Variants in CNOT4 observed in about 807,000 individuals in gnomAD.
CNOT4 encodes the protein CCR4-associated factor 4.
In CNOT4, 8 loss-of-function variants were observed where a neutral mutation model predicts 73.8. That is an observed-to-expected ratio of 0.11 (90% confidence interval 0.06 to 0.20). The LOEUF (loss-of-function observed/expected upper bound fraction) is 0.20. CNOT4 is among the 10% of genes least tolerant of loss of function. The probability of loss-of-function intolerance (pLI) is 1.00; values close to 1 mark genes in which losing one functional copy is unlikely to be tolerated. For missense variants in CNOT4, 564 were observed against 883.4 expected, an observed-to-expected ratio of 0.64 and a Z score of 4.58; for synonymous variants, 293 against 321.1, an observed-to-expected ratio of 0.91 and a Z score of 0.94.
chr7:135,473,282 CTTAAG>C (rs947223010), intron 1 of CNOT4, among the ~76,000 whole-genome samples: 2 of 151,930 alleles, frequency 1.3e-5, no homozygotes, highest in Non-Finnish European at 2.9e-5. Flanking sequence ...CCAAGCATCT[CTTAAG>C]TTATTTACAA....
At position 135,363,615 on chromosome 7, in the gene CNOT4, T is replaced by C. The variant is rs1432792572; in HGVS notation, c.1840+239A>G. Among the ~76,000 whole-genome samples the C allele has an allele frequency of 6.6e-6, 1 of 152,220 alleles. No homozygotes were observed. Among genetic ancestry groups the C allele is most frequent in the South Asian group, 2.1e-4 (1 of 4,834 alleles). On this transcript the variant is annotated intron_variant, in intron 11 of 11. Transcript: ENST00000541284. This position sits in a 1 kb window ranked among gnomAD's most constrained non-coding sequence, Gnocchi z 4.3. The stretch of plus-strand genomic sequence containing the variant: ...CCTACAAAATACACATGTTGCCAGA[T>C]GTTAACACCTACTTAAACCAGAAGA...
chr7:135,487,440 A>G (rs1020831916), intron 1 of CNOT4, among the ~76,000 whole-genome samples: 1 of 151,734 alleles, frequency 6.6e-6, no homozygotes, highest in Non-Finnish European at 1.5e-5. Flanking sequence ...CAGTATCCGT[A>G]TGTTTCCCAG....
chr7:135,368,833 G>C (rs746098339), intron 10 of CNOT4, among the ~76,000 whole-genome samples: 6 of 152,184 alleles, frequency 3.9e-5, no homozygotes, highest in Non-Finnish European at 8.8e-5. Flanking sequence ...TCTGACATCA[G>C]ACCTTTCACA....
rs763566825 is a variant in CNOT4, at chr7:135,394,250, G to A, written c.1295C>T (p.Ser432Leu). The A allele has an allele frequency of 8.1e-6, 13 of 1,614,026 alleles. No individual in the cohort carries two copies. Among genetic ancestry groups the A allele is most frequent in the South Asian group, 4.4e-5 (4 of 91,082 alleles). ...AGAGGAGTTCTGAAGAGATGTGGGC[G>A]AAAGGGAAGGTTGGTCTTGAACGGA... ...ELSVQDQPSLSPTSLQNSSSH... is the reference protein window; with the variant it reads ...ELSVQDQPSLLPTSLQNSSSH... The change falls in exon 10 of 12, where the codon TCG (serine) becomes TTG (leucine). Residue 432 changes from serine (S) to leucine (L), a missense_variant. Ser to Leu is a moderately radical substitution (Grantham distance 145, BLOSUM62 -2). Around this residue, in one of 10 missense-constraint regions of CNOT4, gnomAD observed 153 missense variants for 158.7 expected, o/e 0.96. Coordinates refer to ENST00000541284, the MANE Select transcript of CNOT4 (RefSeq NM_001190850.2).
intron 1 of CNOT4, among the ~76,000 whole-genome samples, chr7:135,453,173 T>C (rs142666006): frequency 6.6e-6 from 1 of 152,170 alleles, no homozygotes; most frequent in East Asian, 1.9e-4. Flanking sequence ...TTAGAGATAC[T>C]TCTGTACATC....
At chr7:135,448,374 C>G (rs1202730862) in intron 1 of CNOT4, among the ~76,000 whole-genome samples, 1 of 152,006 alleles carries the variant, frequency 6.6e-6, no homozygotes, top group East Asian at 1.9e-4. Flanking sequence ...GAAACTCCAT[C>G]TCCACTAAAA....
intron 10 of CNOT4, among the ~76,000 whole-genome samples, chr7:135,369,070 C>T (rs1033239008): frequency 6.6e-5 from 10 of 152,106 alleles, no homozygotes; most frequent in Admixed American, 2.6e-4. Flanking sequence ...AAGTTGAGGG[C>T]GCAGGGTACC....
At chr7:135,444,746 C>T in intron 1 of CNOT4, 9 of 1,439,430 alleles carry the variant, frequency 6.3e-6, no homozygotes, top group Non-Finnish European at 7.8e-6. Flanking sequence ...TGGCTGCGAC[C>T]CTCACTCTTC....
Position 135,500,350 on chromosome 7 carries a change from C to G in CNOT4, c.-93+9539G>C, listed in dbSNP as rs575075489. 2.8e-3 allele frequency among the ~76,000 whole-genome samples: 430 copies of G among 152,068 alleles called. 4 individuals are homozygous for G. The highest frequency in any genetic ancestry group is 0.017 in the South Asian group (81 of 4,824). Reference sequence around the variant, plus strand: ...CGAGAAACAAGAAACCTACTTTTTTCCCCCAGCTTTAAAATAAAATGTAAA... The same window carrying G: ...CGAGAAACAAGAAACCTACTTTTTTGCCCCAGCTTTAAAATAAAATGTAAA... On this transcript the variant is annotated intron_variant, in intron 1 of 11. Coordinates refer to ENST00000541284, the MANE Select transcript of CNOT4 (RefSeq NM_001190850.2).
At chr7:135,452,634 G>A (rs543167551) in intron 1 of CNOT4, among the ~76,000 whole-genome samples, 25 of 152,164 alleles carry the variant, frequency 1.6e-4, no homozygotes, top group African/African-American at 5.8e-4. Flanking sequence ...GAGGTAGTTC[G>A]TTTTCTTCCT....
intron 10 of CNOT4, among the ~76,000 whole-genome samples, chr7:135,383,919 T>C (rs1795976196): frequency 6.6e-6 from 1 of 152,218 alleles, no homozygotes; most frequent in Admixed American, 6.5e-5. Context: ...TCTATGTCTT[T>C]GTCTTTTTCC....
At chr7:135,452,752 G>A (rs1800254908) in intron 1 of CNOT4, among the ~76,000 whole-genome samples, 1 of 152,126 alleles carries the variant, frequency 6.6e-6, no homozygotes, top group Non-Finnish European at 1.5e-5. Flanking sequence ...GGACAATAGA[G>A]TGATGAGATG....
In CNOT4 at chr7:135,493,927, C is replaced by T. The variant is rs139220461; in HGVS notation, c.-93+15962G>A. Among the ~76,000 whole-genome samples the T allele has an allele frequency of 4.9e-3, 740 of 152,120 alleles. 8 individuals are homozygous for T. Among genetic ancestry groups the T allele is most frequent in the South Asian group, 6.6e-3 (32 of 4,820 alleles). ...AGAATAGTGCTTAGCATCTAATAAG[C>T]GCTCACGGATAGGCTTTCATTAGCT... On this transcript the variant is annotated intron_variant, in intron 1 of 11. Coordinates refer to ENST00000541284, the MANE Select transcript of CNOT4 (RefSeq NM_001190850.2).
intron 1 of CNOT4, among the ~76,000 whole-genome samples, chr7:135,450,054 A>T (rs6948145): frequency 6.6e-6 from 1 of 152,094 alleles, no homozygotes; most frequent in Non-Finnish European, 1.5e-5. Flanking sequence ...CATGACAAAC[A>T]GCTAAAAATA....
At chr7:135,446,712 TACAC>T (rs918194596) in intron 1 of CNOT4, among the ~76,000 whole-genome samples, 19 of 151,564 alleles carry the variant, frequency 1.3e-4, no homozygotes, top group African/African-American at 3.6e-4. Flanking sequence ...AGATATGAAA[TACAC>T]ACACAGACAC....
chr7:135,460,643 C>A (rs559917167), intron 1 of CNOT4, among the ~76,000 whole-genome samples: 1 of 152,182 alleles, frequency 6.6e-6, no homozygotes, highest in African/African-American at 2.4e-5. Context: ...ACATAATAAT[C>A]ATTAAAAAGT....
rs370551598 is a variant in CNOT4 at position 135,480,915 on chromosome 7, ATCTC to A, written c.-93+28970_-93+28973del. On this transcript the variant is annotated intron_variant, in intron 1 of 11. Transcript: ENST00000541284. ...AAAAAAAAAAAAAAAATGAAACTGG[ATCTC>A]TCTCTCTCTCACCATATTAAAAAAA... Among the ~76,000 whole-genome samples the A allele has an allele frequency of 4.8e-3, 712 of 149,738 alleles. 5 individuals are homozygous for A. Among genetic ancestry groups the A allele is most frequent in the African/African-American group, 0.017 (675 of 40,822 alleles).
chr7:135,445,034 T>C (rs1339817367), intron 1 of CNOT4: 2 of 810,840 alleles, frequency 2.5e-6, no homozygotes, highest in Non-Finnish European at 4.3e-6. Flanking sequence ...ATAAGTCTGT[T>C]GGTGGACAGC....
intron 3 of CNOT4, among the ~76,000 whole-genome samples, chr7:135,421,332 T>C (rs544197273): frequency 1.3e-5 from 2 of 152,286 alleles, no homozygotes; most frequent in Admixed American, 1.3e-4. Context: ...CAAGTATTAC[T>C]TTAAATTCTT....
Sources: gnomAD v4.1 joint callset for allele counts (sites outside exome capture counted in the v4.1 genomes callset) on GRCh38, gnomAD v4.1.1 for gene constraint, gnomAD v4.1.1 regional missense constraint, Gnocchi (gnomAD v3.1) non-coding constraint, MANE v1.5 for transcripts, NCBI Gene and HGNC (gene_info 2026-07-23, HGNC 2026-07-21) for gene names.